SDK1: variants seen among roughly 807,000 people sequenced by gnomAD.
The protein encoded by SDK1 is sidekick cell adhesion molecule 1.
A neutral mutation model predicts 245.5 loss-of-function variants in SDK1; 157 were observed. The ratio of observed to expected loss-of-function variants is 0.64; its 90% CI spans 0.56 to 0.73. The LOEUF (loss-of-function observed/expected upper bound fraction) is 0.73, where lower values mean the gene tolerates loss of function less well. Among genes scored for constraint, SDK1 ranks in the 30% least tolerant of loss-of-function variants. SDK1 has a pLI of 0.00. For missense variants in SDK1, 3,583 were observed against 3,002.3 expected (o/e 1.19, Z -4.52); for synonymous variants, 1,647 against 1,278.5 (o/e 1.29, Z -6.15).
intron 7 of SDK1, 77 bp from the exon 8 acceptor site, chr7:3,958,854 C>T: frequency 9.0e-7 from 1 of 1,112,064 alleles, no homozygotes; most frequent in South Asian, 1.3e-5. Context: ...AAGAGGAGCC[C>T]ACACTATCTT....
At chr7:3,353,087 CT>C (rs1202451664) in intron 1 of SDK1, among the ~76,000 whole-genome samples, 6 of 152,122 alleles carry the variant, frequency 3.9e-5, no homozygotes, top group African/African-American at 1.4e-4. Flanking sequence ...CCCAATTTAG[CT>C]TTTTTTGCAC....
intron 20 of SDK1, among the ~76,000 whole-genome samples, chr7:4,072,495 G>A (rs778996264): frequency 2.2e-4 from 34 of 152,174 alleles, no homozygotes; most frequent in Non-Finnish European, 4.0e-4. Flanking sequence ...AGTGATGCCC[G>A]CATCAGGGGA....
At chr7:3,421,721 C>G (rs1562477244) in intron 1 of SDK1, among the ~76,000 whole-genome samples, 1 of 152,098 alleles carries the variant, frequency 6.6e-6, no homozygotes, top group African/African-American at 2.4e-5. Flanking sequence ...ATTCTTTGGG[C>G]TTGACAGTGG....
chr7:4,024,939 G>C (rs1040924885), intron 17 of SDK1, among the ~76,000 whole-genome samples: 1 of 152,062 alleles, frequency 6.6e-6, no homozygotes, highest in African/African-American at 2.4e-5. Context: ...TTCTCACTCT[G>C]CCGCCGTAGA....
At chr7:4,153,910 G>T (rs1028015229) in intron 30 of SDK1, among the ~76,000 whole-genome samples, 3 of 151,824 alleles carry the variant, frequency 2.0e-5, no homozygotes, top group African/African-American at 7.3e-5. Flanking sequence ...CAAACTCCTG[G>T]CCTCAAGTGA....
At chr7:3,517,896 C>G (rs936397661) in intron 1 of SDK1, among the ~76,000 whole-genome samples, 1 of 152,014 alleles carries the variant, frequency 6.6e-6, no homozygotes, top group Admixed American at 6.6e-5. Flanking sequence ...TATCTTTAGC[C>G]CATTCTCAGT....
chr7:4,160,465 G>A (rs554519186), intron 31 of SDK1, among the ~76,000 whole-genome samples: 11 of 152,110 alleles, frequency 7.2e-5, no homozygotes, highest in African/African-American at 2.2e-4. Flanking sequence ...TCTTGTCATC[G>A]CCTTCCCTGG....
At chr7:3,681,842 A>G (rs929679671) in intron 4 of SDK1, among the ~76,000 whole-genome samples, 4 of 151,966 alleles carry the variant, frequency 2.6e-5, no homozygotes, top group African/African-American at 9.7e-5. Flanking sequence ...GAGGTATAAC[A>G]TTTTTTTCCG....
intron 1 of SDK1, among the ~76,000 whole-genome samples, chr7:3,484,555 A>T (rs773905413): frequency 6.6e-6 from 1 of 152,186 alleles, no homozygotes; most frequent in South Asian, 2.1e-4. Context: ...GATTAACTGT[A>T]CAATAGTTAA....
intron 19 of SDK1, among the ~76,000 whole-genome samples, chr7:4,055,915 T>C (rs996360448): frequency 2.0e-5 from 3 of 152,198 alleles, no homozygotes; most frequent in African/African-American, 7.2e-5. Context: ...GTGCTGTTCA[T>C]TTTCCATGTG....
chr7:3,827,126 C>G (rs1164598178), intron 5 of SDK1, among the ~76,000 whole-genome samples: 3 of 152,092 alleles, frequency 2.0e-5, no homozygotes, highest in Non-Finnish European at 2.9e-5. Flanking sequence ...TGTCTTAAAT[C>G]TTAGGTTAAG....
intron 1 of SDK1, among the ~76,000 whole-genome samples, chr7:3,557,670 C>T (rs1779630766): frequency 6.6e-6 from 1 of 152,134 alleles, no homozygotes; most frequent in African/African-American, 2.4e-5. Flanking sequence ...CAAAATGTTG[C>T]CATTGGGGAT....
intron 4 of SDK1, among the ~76,000 whole-genome samples, chr7:3,674,071 T>C (rs147482541): frequency 6.6e-5 from 10 of 152,064 alleles, no homozygotes; most frequent in Admixed American, 3.3e-4. Context: ...GAAGAGAGAA[T>C]AGGAGAAAAA....
chr7:3,693,558 T>C (rs188170961), intron 4 of SDK1, among the ~76,000 whole-genome samples: 1 of 152,256 alleles, frequency 6.6e-6, no homozygotes, highest in Non-Finnish European at 1.5e-5. Flanking sequence ...ACCTTTGATA[T>C]GTTTTTTTCA....
chr7:4,112,058 C>G (rs1239635948), intron 23 of SDK1, among the ~76,000 whole-genome samples: 1 of 152,186 alleles, frequency 6.6e-6, no homozygotes. Context: ...GTTGAGGATG[C>G]ACCCGTGACC....
intron 18 of SDK1, 68 bp downstream of exon 18, chr7:4,049,531 G>T (rs1789284565): frequency 1.7e-6 from 2 of 1,194,076 alleles, no homozygotes; most frequent in East Asian, 4.7e-5. Flanking sequence ...GACGCAGCTG[G>T]AGGCACCCCC....
intron 13 of SDK1, among the ~76,000 whole-genome samples, chr7:3,986,000 C>T (rs567847960): frequency 5.9e-5 from 9 of 152,206 alleles, no homozygotes; most frequent in African/African-American, 1.9e-4. Flanking sequence ...CCCCTCTTCC[C>T]GGCACTGCCT....
chr7:3,498,919 C>T (rs994590988), intron 1 of SDK1, among the ~76,000 whole-genome samples: 2 of 152,086 alleles, frequency 1.3e-5, no homozygotes, highest in Non-Finnish European at 2.9e-5. Context: ...GGCATAAGGG[C>T]AAGTAAGCAT....
At chr7:3,875,350 G>A (rs922597497) in intron 5 of SDK1, among the ~76,000 whole-genome samples, 1 of 152,210 alleles carries the variant, frequency 6.6e-6, no homozygotes, top group Admixed American at 6.5e-5. Flanking sequence ...GCACAAGTTT[G>A]CTGTAGCCAG....
Sources: allele counts gnomAD v4.1 joint callset (sites outside exome capture counted in the v4.1 genomes callset), GRCh38; gene constraint gnomAD v4.1.1; transcripts MANE v1.5; gene names NCBI Gene and HGNC (gene_info 2026-07-23, HGNC 2026-07-21).